Variants in CHD6 observed in about 807,000 individuals in gnomAD.
The protein encoded by CHD6 is chromodomain helicase DNA binding protein 6, also known as ATP-dependent chromatin remodeler CHD6.
CHD6 carries 50 observed loss-of-function variants against 276.9 expected under a neutral mutation model. That is an observed-to-expected ratio of 0.18 (90% CI 0.14 to 0.23). The LOEUF is 0.23. Ranked by LOEUF, CHD6 falls within the 10% of genes least tolerant of loss-of-function variation. The pLI, the probability that CHD6 is intolerant of heterozygous loss-of-function variation, is 1.00. For missense variants in CHD6, 2,564 were observed against 3,365.8 expected (o/e 0.76, Z 5.89); for synonymous variants, 1,173 against 1,229.3 (o/e 0.95, Z 0.96).
At position 41,615,862 on chromosome 20, in the gene CHD6, C is replaced by T. The variant is rs1185820754; in HGVS notation, c.-24+2478G>A. 3.9e-5 allele frequency among the ~76,000 whole-genome samples: 6 copies of T among 152,316 alleles called. No individual in the cohort carries two copies. In the East Asian group the frequency reaches 9.6e-4, roughly 24 times the overall value. On this transcript the variant is annotated intron_variant, in intron 1 of 36. Transcript: ENST00000373233. Reference sequence around the variant, plus strand: ...GAAGACATAACCACAAACGCTGCTTCGGGCAAAGCCATACTTCCAAGAAAA... The same window carrying T: ...GAAGACATAACCACAAACGCTGCTTTGGGCAAAGCCATACTTCCAAGAAAA...
At chr20:41,496,223 C>T (rs1040588150) in intron 8 of CHD6, among the ~76,000 whole-genome samples, 22 of 152,322 alleles carry the variant, frequency 1.4e-4, no homozygotes, top group African/African-American at 5.3e-4. Context: ...AATATGTTTT[C>T]TCCCTAGAAC....
At chr20:41,562,506 T>TTC (rs11481352) in intron 1 of CHD6, among the ~76,000 whole-genome samples, 3 of 152,026 alleles carry the variant, frequency 2.0e-5, no homozygotes, top group Admixed American at 2.0e-4. Flanking sequence ...TTTTTTTTTT[T>TTC]GTATTATGAA....
intron 2 of CHD6, among the ~76,000 whole-genome samples, chr20:41,540,153 T>A (rs1030996968): frequency 6.6e-6 from 1 of 152,172 alleles, no homozygotes; most frequent in Admixed American, 6.5e-5. Flanking sequence ...TGTGGTAGTA[T>A]CTAGAAAAGT....
chr20:41,437,261 A>G lies in CHD6; in HGVS notation c.4068+13T>C. On this transcript the variant is annotated intron_variant, in intron 27 of 36. Transcript: ENST00000373233. ...AGACGGTGTAAATGACCAATACTGC[A>G]CATTTGACTCACCGTTTGTTTCTGG... The G allele has an allele frequency of 6.3e-7, 1 of 1,599,502 alleles. No homozygotes were observed. Among genetic ancestry groups the G allele is most frequent in the South Asian group, 1.1e-5 (1 of 90,758 alleles).
chr20:41,420,266 C>T (rs1032506475), intron 31 of CHD6, among the ~76,000 whole-genome samples: 1 of 152,158 alleles, frequency 6.6e-6, no homozygotes, highest in African/African-American at 2.4e-5. Flanking sequence ...AAGCCCCTGC[C>T]CAAATTATAT....
chr20:41,556,422 T>C (rs889807892), intron 1 of CHD6, among the ~76,000 whole-genome samples: 1 of 150,922 alleles, frequency 6.6e-6, no homozygotes, highest in East Asian at 1.9e-4. Context: ...ACTAGATCTA[T>C]GAACGTTTTC....
At chr20:41,564,272 C>G (rs1306408371) in intron 1 of CHD6, 2 of 580,646 alleles carry the variant, frequency 3.4e-6, no homozygotes, top group African/African-American at 3.8e-5. Context: ...TTTTCCAAAA[C>G]AGCATATAAG....
chr20:41,412,375 C>A (rs1338179322), intron 35 of CHD6, 112 bp from the exon 36 acceptor site: 6 of 1,247,656 alleles, frequency 4.8e-6, no homozygotes, highest in Non-Finnish European at 6.8e-6. Context: ...GTTGTCTGCA[C>A]AGGAGCTGGC....
At chr20:41,554,910 G>A (rs1243962466) in intron 1 of CHD6, among the ~76,000 whole-genome samples, 1 of 152,000 alleles carries the variant, frequency 6.6e-6, no homozygotes, top group Non-Finnish European at 1.5e-5. Flanking sequence ...CCTCCCAGAC[G>A]GGGTGGTGGC....
At chr20:41,534,805 C>CA (rs898310516) in intron 2 of CHD6, among the ~76,000 whole-genome samples, 7 of 151,594 alleles carry the variant, frequency 4.6e-5, no homozygotes, top group African/African-American at 7.3e-5. Flanking sequence ...AAATCAAATA[C>CA]AAAAAAAATG....
At chr20:41,585,510 C>T (rs79175615) in intron 1 of CHD6, among the ~76,000 whole-genome samples, 4 of 98,286 alleles carry the variant, frequency 4.1e-5, no homozygotes, top group African/African-American at 2.6e-4. Context: ...CTCCGTCTCA[C>T]CAAAAAAAAA....
chr20:41,508,775 C>T (rs979297195), intron 5 of CHD6, among the ~76,000 whole-genome samples: 1 of 151,872 alleles, frequency 6.6e-6, no homozygotes, highest in South Asian at 2.1e-4. Context: ...CAGAAAGGAG[C>T]CCTTTCTGAG....
intron 5 of CHD6, among the ~76,000 whole-genome samples, chr20:41,512,019 G>A (rs2044129952): frequency 1.3e-5 from 2 of 152,160 alleles, no homozygotes; most frequent in East Asian, 1.9e-4. Flanking sequence ...CCAGGCTGGA[G>A]TATAATGACG....
chr20:41,509,887 A>G (rs1245577477), intron 5 of CHD6, among the ~76,000 whole-genome samples: 1 of 152,198 alleles, frequency 6.6e-6, no homozygotes, highest in Non-Finnish European at 1.5e-5. Context: ...AGCTGTGATA[A>G]CATGCCAGTC....
At chr20:41,589,069 A>G (rs2045627995) in intron 1 of CHD6, among the ~76,000 whole-genome samples, 1 of 152,230 alleles carries the variant, frequency 6.6e-6, no homozygotes, top group Non-Finnish European at 1.5e-5. Context: ...CAACATACGC[A>G]AATCAATAAA....
At chr20:41,606,689 A>C (rs1193517398) in intron 1 of CHD6, among the ~76,000 whole-genome samples, 4 of 151,276 alleles carry the variant, frequency 2.6e-5, no homozygotes, top group Non-Finnish European at 5.9e-5. Flanking sequence ...AAAAAAAAAA[A>C]CTTATCTCCT....
intron 15 of CHD6, 129 bp from the exon 16 acceptor site, chr20:41,483,648 G>T: frequency 1.5e-6 from 1 of 668,618 alleles, no homozygotes; most frequent in Non-Finnish European, 2.5e-6. Context: ...GTGAGGAGAT[G>T]CTGGGTGCAC....
intron 1 of CHD6, chr20:41,564,159 CA>C (rs1158237648): frequency 1.4e-6 from 1 of 728,082 alleles, no homozygotes; most frequent in Non-Finnish European, 2.5e-6. Flanking sequence ...GGGCTAAAAA[CA>C]AAAAGTTACT....
chr20:41,550,053 G>A (rs758195671), intron 2 of CHD6, among the ~76,000 whole-genome samples: 7 of 152,220 alleles, frequency 4.6e-5, no homozygotes, highest in African/African-American at 1.2e-4. Flanking sequence ...TGACTGCCTC[G>A]GCCTCCAAAA....
Sources: allele counts gnomAD v4.1 joint callset (sites outside exome capture counted in the v4.1 genomes callset), GRCh38; gene constraint gnomAD v4.1.1; transcripts MANE v1.5; gene names NCBI Gene and HGNC (gene_info 2026-07-23, HGNC 2026-07-21).